Variants in ZFHX3 observed in about 807,000 individuals in gnomAD.
The protein encoded by ZFHX3 is zinc finger homeobox protein 3.
Under a neutral mutation model 279.1 loss-of-function variants are expected in ZFHX3, and 42 were observed. The ratio of observed to expected loss-of-function variants is 0.15; its 90% CI spans 0.12 to 0.19. The LOEUF (loss-of-function observed/expected upper bound fraction) is 0.19, where lower values mean the gene tolerates loss of function less well. ZFHX3 is among the 10% of genes least tolerant of loss of function. The pLI is 1.00. For missense variants in ZFHX3, 4,981 were observed against 4,754.0 expected, an observed-to-expected ratio of 1.05 and a Z score of -1.40; for synonymous variants, 2,293 against 1,957.8, an observed-to-expected ratio of 1.17 and a Z score of -4.52.
At chr16:73,632,411 G>A (rs915423795) in intron 2 of ZFHX3, among the ~76,000 whole-genome samples, 20 of 152,096 alleles carry the variant, frequency 1.3e-4, no homozygotes, top group African/African-American at 2.7e-4. Context: ...AGCCGGGTGC[G>A]GTGGCTCACG....
chr16:73,591,322 C>T (rs1597015836), intron 2 of ZFHX3, among the ~76,000 whole-genome samples: 2 of 151,800 alleles, frequency 1.3e-5, no homozygotes, highest in South Asian at 4.2e-4. Context: ...CACCGCACTC[C>T]AGCCTGGGTG....
At chr16:73,732,891 G>A (rs1042079364) in intron 1 of ZFHX3, among the ~76,000 whole-genome samples, 1 of 152,188 alleles carries the variant, frequency 6.6e-6, no homozygotes, top group Non-Finnish European at 1.5e-5. Flanking sequence ...CATTAAGGCG[G>A]TGGGTTCAGC....
intron 2 of ZFHX3, among the ~76,000 whole-genome samples, chr16:73,601,734 T>C (rs1201575517): frequency 1.3e-5 from 2 of 152,218 alleles, no homozygotes; most frequent in African/African-American, 4.8e-5. Flanking sequence ...TAGAGCTTTT[T>C]TCAATGTGAA....
At chr16:73,028,452 G>A (rs1964587329) in intron 1 of ZFHX3, among the ~76,000 whole-genome samples, 1 of 152,148 alleles carries the variant, frequency 6.6e-6, no homozygotes, top group Admixed American at 6.5e-5. Flanking sequence ...CCGGGGCAGT[G>A]TGATGCTGGG....
chr16:73,029,171 G>A (rs954127360), intron 1 of ZFHX3, among the ~76,000 whole-genome samples: 1 of 152,146 alleles, frequency 6.6e-6, no homozygotes. Flanking sequence ...TCTCTGCTAG[G>A]AACAGGAGTC....
intron 1 of ZFHX3, among the ~76,000 whole-genome samples, chr16:73,681,677 C>A (rs1940765705): frequency 1.3e-5 from 2 of 152,166 alleles, no homozygotes; most frequent in Non-Finnish European, 2.9e-5. Context: ...CAAAGACAGG[C>A]ACCTGATCCT....
Position 73,756,463 on chromosome 16 carries a change from T to C in ZFHX3, c.-1607-76223A>G, listed in dbSNP as rs140247680. 3.6e-3 allele frequency among the ~76,000 whole-genome samples: 551 copies of C among 152,234 alleles called. 1 individual carries two copies. The highest frequency in any genetic ancestry group is 0.013 in the African/African-American group (537 of 41,546). The stretch of plus-strand genomic sequence containing the variant: ...CTGAGATCATTCACACGACATGAGC[T>C]TGCGTCTGTCTTCTTCCCCTTCCTG... On this transcript the variant is annotated intron_variant, in intron 1 of 17. Coordinates refer to the ZFHX3 transcript ENST00000641206.
At chr16:73,823,445 A>C (rs139517458) in intron 1 of ZFHX3, among the ~76,000 whole-genome samples, 1 of 152,348 alleles carries the variant, frequency 6.6e-6, no homozygotes, top group South Asian at 2.1e-4. Flanking sequence ...AGCAAGTGCT[A>C]AACAAAGGTT....
intron 2 of ZFHX3, among the ~76,000 whole-genome samples, chr16:72,954,757 C>A (rs929701982): frequency 6.6e-6 from 1 of 152,180 alleles, no homozygotes; most frequent in Non-Finnish European, 1.5e-5. Context: ...AGCAGCAGAT[C>A]CGACTGTACT....
chr16:73,591,201 A>C (rs2051991472), intron 2 of ZFHX3, among the ~76,000 whole-genome samples: 1 of 151,752 alleles, frequency 6.6e-6, no homozygotes, highest in Non-Finnish European at 1.5e-5. Context: ...AAATGCAAAA[A>C]AATTTGCCGG....
chr16:73,866,169 ATTTTT>A (rs34324522), intron 1 of ZFHX3, among the ~76,000 whole-genome samples: 11 of 74,622 alleles, frequency 1.5e-4, no homozygotes, highest in Non-Finnish European at 2.8e-4. Flanking sequence ...TGCCAGGCTA[ATTTTT>A]TTTTTTTTTT....
Position 72,793,176 on chromosome 16 carries a change from G to A in ZFHX3, c.9427+79C>T. ...TTCCCATCTGCCCAGCACTCAGAGG[G>A]TTTGGGTGGTATCCACATAACAGAA... On this transcript the variant is annotated intron_variant, in intron 9 of 9. Transcript: ENST00000268489. The surrounding 1 kb of genome is among the most constrained non-coding windows in gnomAD (Gnocchi z 4.3). The A allele has an allele frequency of 6.6e-7, 1 of 1,523,674 alleles. No homozygotes were observed. Among genetic ancestry groups the A allele is most frequent in the South Asian group, 1.3e-5 (1 of 75,140 alleles). The allele number at this position is 1,523,674 out of a possible 1,614,324, so 94.4% of individuals were successfully genotyped here.
At chr16:73,651,346 G>T (rs1326718781) in intron 2 of ZFHX3, among the ~76,000 whole-genome samples, 1 of 151,706 alleles carries the variant, frequency 6.6e-6, no homozygotes, top group Non-Finnish European at 1.5e-5. Context: ...GAATTGGCAA[G>T]AATTATTTAA....
rs569831753 is a variant in ZFHX3 at position 72,971,361 on chromosome 16, C to A, written c.-49-11167G>T. ...CAAGTAGTAGCTCCATTACTGTCCA[C>A]CTGGTTGAATCAAGCATGGTTTTGA... is the stretch of plus-strand genomic sequence containing the variant. On this transcript the variant is annotated intron_variant, in intron 1 of 9. Transcript: ENST00000268489. Among the ~76,000 whole-genome samples, 48 of 152,274 alleles carry A rather than the reference C, an allele frequency of 3.2e-4. No individual in the cohort carries two copies. The South Asian group carries it at 1.0e-2, about 32-fold the overall frequency.
chr16:73,152,382 T>C (rs1567403746), intron 5 of ZFHX3, among the ~76,000 whole-genome samples: 1 of 152,080 alleles, frequency 6.6e-6, no homozygotes, highest in Non-Finnish European at 1.5e-5. Flanking sequence ...AATGTTTAAA[T>C]CCATATTAAG....
At chr16:73,180,698 TA>T (rs1369409853) in intron 5 of ZFHX3, among the ~76,000 whole-genome samples, 1 of 152,118 alleles carries the variant, frequency 6.6e-6, no homozygotes, top group African/African-American at 2.4e-5. Context: ...AATCTCACTC[TA>T]TAGCCCAGGC....
At chr16:73,760,604 C>T (rs534794552) in intron 1 of ZFHX3, among the ~76,000 whole-genome samples, 1 of 152,262 alleles carries the variant, frequency 6.6e-6, no homozygotes, top group South Asian at 2.1e-4. Context: ...AATCTAGCAG[C>T]ACATCAAAAA....
intron 3 of ZFHX3, among the ~76,000 whole-genome samples, chr16:72,937,908 T>A (rs1960206771): frequency 6.6e-6 from 1 of 152,368 alleles, no homozygotes; most frequent in Non-Finnish European, 1.5e-5. Context: ...CAGACACTCC[T>A]CAGCTACTTT....
At chr16:73,457,379 C>T (rs534429282) in intron 2 of ZFHX3, among the ~76,000 whole-genome samples, 2 of 152,180 alleles carry the variant, frequency 1.3e-5, no homozygotes, top group Non-Finnish European at 2.9e-5. Flanking sequence ...GACTGCATCA[C>T]GTGAGCTGGA....
Sources: gnomAD v4.1 joint callset for allele counts (sites outside exome capture counted in the v4.1 genomes callset) on GRCh38, gnomAD v4.1.1 for gene constraint, Gnocchi (gnomAD v3.1) non-coding constraint, MANE v1.5 for transcripts, NCBI Gene and HGNC (gene_info 2026-07-23, HGNC 2026-07-21) for gene names.